The following APBB1IP variants were observed in gnomAD, a reference collection of about 807,000 sequenced individuals.
The protein encoded by APBB1IP is amyloid beta A4 precursor protein-binding family B member 1-interacting protein.
Under a neutral mutation model 64.9 loss-of-function variants are expected in APBB1IP, and 27 were observed. The ratio of observed to expected loss-of-function variants is 0.42; its 90% CI spans 0.31 to 0.57. The LOEUF (loss-of-function observed/expected upper bound fraction) is 0.57, where lower values mean the gene tolerates loss of function less well. APBB1IP is among the 20% of genes least tolerant of loss of function. The pLI, the probability that APBB1IP is intolerant of heterozygous loss-of-function variation, is 0.20. For synonymous variants in APBB1IP, 392 were observed against 331.0 expected (o/e 1.18, Z -2.00); for missense variants, 812 against 845.5 (o/e 0.96, Z 0.49).
At chr10:26,545,701 A>T (rs1836754118) in intron 11 of APBB1IP, among the ~76,000 whole-genome samples, 1 of 151,526 alleles carries the variant, frequency 6.6e-6, no homozygotes, top group South Asian at 2.1e-4. Context: ...CGGAGCTTGC[A>T]GTGAGCCGAG....
At chr10:26,475,225 C>T (rs1187741658) in intron 2 of APBB1IP, among the ~76,000 whole-genome samples, 3 of 151,410 alleles carry the variant, frequency 2.0e-5, no homozygotes, top group South Asian at 4.2e-4. Context: ...CAGGTTCAAG[C>T]GATTCTCCTG....
At chr10:26,560,988 G>GACTCAGCCC in intron 13 of APBB1IP, 144 bp downstream of exon 13, 1 of 448,990 alleles carries the variant, frequency 2.2e-6, no homozygotes, top group Non-Finnish European at 3.8e-6. Flanking sequence ...CAAACTCCCC[G>GACTCAGCCC]ACTCAGCCCA....
At chr10:26,511,643 T>A in intron 6 of APBB1IP, 104 bp from the exon 7 acceptor site, 1 of 1,379,076 alleles carries the variant, frequency 7.3e-7, no homozygotes, top group Non-Finnish European at 1.0e-6. Flanking sequence ...ACCAAACACA[T>A]TCTTACAGAA....
chr10:26,487,331 A>G (rs552032508), intron 2 of APBB1IP, among the ~76,000 whole-genome samples: 1 of 152,136 alleles, frequency 6.6e-6, no homozygotes, highest in Admixed American at 6.5e-5. Flanking sequence ...ACATGTGTAT[A>G]ACTCTTGTCT....
chr10:26,512,518 C>G (rs1836273913), intron 7 of APBB1IP, among the ~76,000 whole-genome samples: 1 of 152,048 alleles, frequency 6.6e-6, no homozygotes, highest in Non-Finnish European at 1.5e-5. Flanking sequence ...GAGTTTCAGC[C>G]TCAGTGCAAA....
At chr10:26,490,682 T>C (rs1045154676) in intron 2 of APBB1IP, among the ~76,000 whole-genome samples, 19 of 152,174 alleles carry the variant, frequency 1.2e-4, no homozygotes, top group South Asian at 4.1e-4. Context: ...TTCTGAAATA[T>C]TTATGGAAAA....
chr10:26,522,681 C>G (rs184588877), intron 8 of APBB1IP, among the ~76,000 whole-genome samples: 1 of 152,086 alleles, frequency 6.6e-6, no homozygotes, highest in African/African-American at 2.4e-5. Flanking sequence ...AACATGGAAA[C>G]CTTTTTTTAT....
chr10:26,486,742 A>G (rs1033953404), intron 2 of APBB1IP, among the ~76,000 whole-genome samples: 1 of 152,206 alleles, frequency 6.6e-6, no homozygotes, highest in Non-Finnish European at 1.5e-5. Context: ...CCTGTAAACC[A>G]TATGCATCAC....
At chr10:26,448,631 C>T (rs1286254965) in intron 2 of APBB1IP, among the ~76,000 whole-genome samples, 1 of 152,150 alleles carries the variant, frequency 6.6e-6, no homozygotes, top group Non-Finnish European at 1.5e-5. Context: ...TACTTTGGGG[C>T]CTGTCCCTAC....
intron 2 of APBB1IP, among the ~76,000 whole-genome samples, chr10:26,468,090 TAA>T (rs1338201909): frequency 6.6e-6 from 1 of 152,190 alleles, no homozygotes; most frequent in Non-Finnish European, 1.5e-5. Flanking sequence ...GTATTATGGC[TAA>T]GTTTCCCAAC....
rs56982662 is a variant in APBB1IP, at chr10:26,524,955, C to CTTTTTTTTTTTTTTTTT, written c.814-8481_814-8465dup. On this transcript the variant is annotated intron_variant, in intron 8 of 14. Coordinates refer to ENST00000376236, the MANE Select transcript of APBB1IP (RefSeq NM_019043.4). Reference sequence around the variant, plus strand: ...TCTTTTTCTTTCTCTTTCTTTCTTTCTTTTTTTTTTTTTTTTTTTATAAAA... The same window carrying CTTTTTTTTTTTTTTTTT: ...TCTTTTTCTTTCTCTTTCTTTCTTTCTTTTTTTTTTTTTTTTTTTTTTTTTTTTTTTTTTTTATAAAA... 1.0e-3 allele frequency among the ~76,000 whole-genome samples: 75 copies of CTTTTTTTTTTTTTTTTT among 73,922 alleles called. 5 individuals carry two copies. The highest frequency in any genetic ancestry group is 6.6e-3 in the East Asian group (12 of 1,816). The allele number at this position is 73,922 out of a possible 152,430, so 48.5% of individuals were successfully genotyped here. A position where few individuals can be genotyped will look rare whatever the true frequency, so the allele number is the denominator to read the frequency against.
At chr10:26,473,023 G>A (rs912784706) in intron 2 of APBB1IP, among the ~76,000 whole-genome samples, 1 of 152,086 alleles carries the variant, frequency 6.6e-6, no homozygotes, top group Non-Finnish European at 1.5e-5. Flanking sequence ...TACAAAAGAA[G>A]TGTGTCTTCA....
At position 26,567,506 on chromosome 10, in the gene APBB1IP, G is replaced by A; in HGVS notation, c.*18G>A. 1 of 1,544,588 alleles carries A rather than the reference G, an allele frequency of 6.5e-7. No individual in the cohort carries two copies. ...TGTCCTAGGGACGGGCATGATGAGTGTTCCAGAGGGAGAAGCATCGCTGAC... is the reference window on the plus strand; with the variant it reads ...TGTCCTAGGGACGGGCATGATGAGTATTCCAGAGGGAGAAGCATCGCTGAC... On this transcript the variant is annotated 3_prime_UTR_variant, in exon 15 of 15. Coordinates refer to ENST00000376236, the MANE Select transcript of APBB1IP (RefSeq NM_019043.4).
Position 26,498,460 on chromosome 10 carries a change from G to A in APBB1IP, c.160+2069G>A, listed in dbSNP as rs113687697. Among the ~76,000 whole-genome samples the A allele has an allele frequency of 3.6e-3, 550 of 152,280 alleles. 5 individuals are homozygous for A. The highest frequency in any genetic ancestry group is 0.013 in the African/African-American group (527 of 41,560). On this transcript the variant is annotated intron_variant, in intron 4 of 14. Coordinates refer to ENST00000376236, the MANE Select transcript of APBB1IP (RefSeq NM_019043.4). ...GAAGGCGGAGGTTGCAGTGAGCCAA[G>A]ATCATGCCACTGCACTTCAGCCTGG...
At chr10:26,531,534 G>T (rs1014585945) in intron 8 of APBB1IP, among the ~76,000 whole-genome samples, 1 of 152,024 alleles carries the variant, frequency 6.6e-6, no homozygotes, top group Non-Finnish European at 1.5e-5. Context: ...GGGCGCGATG[G>T]CGGGCGCCTG....
intron 2 of APBB1IP, among the ~76,000 whole-genome samples, chr10:26,451,268 T>C (rs935996369): frequency 2.0e-5 from 3 of 152,288 alleles, no homozygotes; most frequent in East Asian, 3.9e-4. Flanking sequence ...CTTTAGTTTT[T>C]GATAGAGGTG....
At chr10:26,524,517 C>T (rs1465923945) in intron 8 of APBB1IP, among the ~76,000 whole-genome samples, 2 of 152,114 alleles carry the variant, frequency 1.3e-5, no homozygotes, top group Non-Finnish European at 2.9e-5. Context: ...AAAGTATGCC[C>T]CTGGCAGTTG....
At chr10:26,565,612 C>T (rs1188655420) in intron 14 of APBB1IP, among the ~76,000 whole-genome samples, 1 of 152,214 alleles carries the variant, frequency 6.6e-6, no homozygotes, top group African/African-American at 2.4e-5. Flanking sequence ...ATGAGTGCCA[C>T]AGGGTAACTG....
At chr10:26,535,988 A>G (rs896195212) in intron 9 of APBB1IP, 86 bp from the exon 10 acceptor site, 1 of 1,409,054 alleles carries the variant, frequency 7.1e-7, no homozygotes, top group Non-Finnish European at 9.6e-7. Context: ...TTAGTTTAAA[A>G]GCTAATTTGT....
Sources: gnomAD v4.1 joint callset for allele counts (sites outside exome capture counted in the v4.1 genomes callset) on GRCh38, gnomAD v4.1.1 for gene constraint, MANE v1.5 for transcripts, NCBI Gene and HGNC (gene_info 2026-07-23, HGNC 2026-07-21) for gene names.